The following CADM2 variants were observed in gnomAD, a reference collection of about 807,000 sequenced individuals.
The protein encoded by CADM2 is cell adhesion molecule 2, also known as immunoglobulin superfamily member 4D.
CADM2 carries 12 observed loss-of-function variants against 49.8 expected under a neutral mutation model. The observed-to-expected ratio is 0.24, with a 90% CI of 0.15 to 0.39. The LOEUF (loss-of-function observed/expected upper bound fraction) is 0.39. CADM2 is among the 10% of genes least tolerant of loss of function. CADM2 has a pLI of 1.00. For synonymous variants in CADM2, 214 were observed against 175.4 expected (o/e 1.22, Z -1.74); for missense variants, 378 against 492.3 (o/e 0.77, Z 2.20).
At chr3:85,978,665 T>C (rs750956787) in intron 8 of CADM2, among the ~76,000 whole-genome samples, 2 of 151,644 alleles carry the variant, frequency 1.3e-5, no homozygotes, top group Non-Finnish European at 3.0e-5. Flanking sequence ...TAAAGATTGC[T>C]CTCATTTCCT....
chr3:85,512,038 T>C (rs1247016816), intron 1 of CADM2: 2 of 193,174 alleles, frequency 1.0e-5, no homozygotes, highest in Non-Finnish European at 1.9e-5. Context: ...ACAGGGTACA[T>C]GTACAGGTTT....
At chr3:85,924,565 C>T (rs1719576702) in intron 6 of CADM2, among the ~76,000 whole-genome samples, 1 of 150,602 alleles carries the variant, frequency 6.6e-6, no homozygotes, top group African/African-American at 2.5e-5. Context: ...GCACTCCAGC[C>T]TGGGTGACAA....
At chr3:85,776,459 T>C (rs1577286301) in intron 2 of CADM2, among the ~76,000 whole-genome samples, 1 of 152,008 alleles carries the variant, frequency 6.6e-6, no homozygotes, top group East Asian at 1.9e-4. Context: ...TAATATTATT[T>C]AAAAACCCAT....
At chr3:85,666,302 T>A (rs931146467) in intron 1 of CADM2, among the ~76,000 whole-genome samples, 17 of 151,980 alleles carry the variant, frequency 1.1e-4, no homozygotes, top group Non-Finnish European at 1.9e-4. Context: ...AATATCTCAC[T>A]GCGAAATTGT....
intron 8 of CADM2, among the ~76,000 whole-genome samples, chr3:86,015,391 T>C (rs1327110840): frequency 6.6e-6 from 1 of 152,214 alleles, no homozygotes; most frequent in Non-Finnish European, 1.5e-5. Context: ...AGTTAGGTCA[T>C]TTTAGACATA....
chr3:85,272,919 TACAC>T (rs2043273947), intron 1 of CADM2, among the ~76,000 whole-genome samples: 1 of 151,116 alleles, frequency 6.6e-6, no homozygotes, highest in South Asian at 2.1e-4. Flanking sequence ...CAACAACAAA[TACAC>T]ACATTTTTTT....
At chr3:84,978,611 A>G (rs1226221427) in intron 1 of CADM2, among the ~76,000 whole-genome samples, 1 of 152,186 alleles carries the variant, frequency 6.6e-6, no homozygotes, top group Non-Finnish European at 1.5e-5. Flanking sequence ...AAAAGGGAAA[A>G]TAGAGCGGAG....
intron 1 of CADM2, among the ~76,000 whole-genome samples, chr3:85,345,313 C>CAAAA (rs3085180): frequency 0.28 from 13,166 of 47,010 alleles, 2,921 homozygotes; most frequent in East Asian, 0.5. Context: ...GTCTCCATCT[C>CAAAA]AAAAAAAAAA....
chr3:86,060,562 T>C (rs1190023291), intron 8 of CADM2, among the ~76,000 whole-genome samples: 1 of 152,200 alleles, frequency 6.6e-6, no homozygotes, highest in African/African-American at 2.4e-5. Flanking sequence ...ATTATTTATT[T>C]ATTTATTTTT....
At chr3:85,786,174 C>T (rs1382347244) in intron 2 of CADM2, among the ~76,000 whole-genome samples, 1 of 151,928 alleles carries the variant, frequency 6.6e-6, no homozygotes, top group Non-Finnish European at 1.5e-5. Flanking sequence ...TACACTTTCA[C>T]CTTAATTTTT....
intron 1 of CADM2, among the ~76,000 whole-genome samples, chr3:85,416,515 C>G (rs1016020727): frequency 6.6e-6 from 1 of 152,098 alleles, no homozygotes; most frequent in African/African-American, 2.4e-5. Context: ...TTTGAACTTG[C>G]CCTATGCATT....
chr3:86,036,826 G>A (rs1015420899), intron 8 of CADM2, among the ~76,000 whole-genome samples: 4 of 152,142 alleles, frequency 2.6e-5, no homozygotes. Context: ...GATGGTGATG[G>A]TGGTATGTGC....
At chr3:85,061,675 A>G (rs1246417771) in intron 1 of CADM2, among the ~76,000 whole-genome samples, 1 of 152,090 alleles carries the variant, frequency 6.6e-6, no homozygotes, top group Non-Finnish European at 1.5e-5. Context: ...TTTTCATGCA[A>G]TCTAAGTGTA....
At chr3:85,721,046 T>C (rs974947299) in intron 1 of CADM2, among the ~76,000 whole-genome samples, 2 of 152,202 alleles carry the variant, frequency 1.3e-5, no homozygotes, top group African/African-American at 4.8e-5. Context: ...GTGTTTTTTC[T>C]CTGTAAATTC....
intron 1 of CADM2, among the ~76,000 whole-genome samples, chr3:85,356,049 T>C (rs1437305195): frequency 2.0e-5 from 3 of 152,112 alleles, no homozygotes; most frequent in Non-Finnish European, 4.4e-5. Context: ...CGAATACTAC[T>C]GGGACATGGT....
intron 1 of CADM2, among the ~76,000 whole-genome samples, chr3:85,602,220 A>G (rs548173178): frequency 1.3e-5 from 2 of 151,924 alleles, no homozygotes; most frequent in Admixed American, 1.3e-4. Flanking sequence ...TTTATGTTCT[A>G]ATGCTCCCTG....
intron 1 of CADM2, among the ~76,000 whole-genome samples, chr3:85,464,925 G>A (rs1407634453): frequency 6.6e-6 from 1 of 152,100 alleles, no homozygotes; most frequent in Non-Finnish European, 1.5e-5. Context: ...CGAGGTGGGT[G>A]GATCACAAGG....
At chr3:85,316,892 A>C (rs1026124817) in intron 1 of CADM2, among the ~76,000 whole-genome samples, 3 of 152,190 alleles carry the variant, frequency 2.0e-5, no homozygotes, top group African/African-American at 7.2e-5. Flanking sequence ...TGCGAAGGGC[A>C]CAGTGGTTCC....
chr3:85,726,389 G>A, intron 1 of CADM2, 133 bp from the exon 2 acceptor site: 1 of 921,558 alleles, frequency 1.1e-6, no homozygotes, highest in Non-Finnish European at 1.7e-6. Flanking sequence ...TTGTTTCTTA[G>A]GCTGTTGATC....
Sources: gnomAD v4.1 joint callset for allele counts (sites outside exome capture counted in the v4.1 genomes callset) on GRCh38, gnomAD v4.1.1 for gene constraint, MANE v1.5 for transcripts, NCBI Gene and HGNC (gene_info 2026-07-23, HGNC 2026-07-21) for gene names.